Variants in SPOCK3 observed in about 807,000 individuals in gnomAD.
SPOCK3 encodes the protein testican-3.
Under a neutral mutation model 56.6 loss-of-function variants are expected in SPOCK3, and 30 were observed. That is an observed-to-expected ratio of 0.53 (90% CI 0.40 to 0.72). The LOEUF (loss-of-function observed/expected upper bound fraction) is 0.72, where lower values mean the gene tolerates loss of function less well. Among genes scored for constraint, SPOCK3 ranks in the 30% least tolerant of loss-of-function variants. SPOCK3 has a pLI of 0.00. For missense variants in SPOCK3, 527 were observed against 530.0 expected (o/e 0.99, Z 0.06); for synonymous variants, 196 against 183.3 (o/e 1.07, Z -0.56).
Position 166,734,953 on chromosome 4 carries a change from C to A in SPOCK3, c.1270G>T (p.Asp424Tyr), listed in dbSNP as rs1734066615. Residue 424 changes from aspartate (D) to tyrosine (Y), a missense_variant, in exon 11 of 11, where the codon GAT becomes TAT. By Grantham distance (160) the Asp-to-Tyr change is radical. Coordinates refer to ENST00000357545, the MANE Select transcript of SPOCK3 (RefSeq NM_001040159.2). ...DDDEDEGDDD[D>Y]GGDDHDVYI is the part of the protein sequence containing the mutation. ...TATACATCATGGTCATCACCACCAT[C>A]ATCATCATCCCCTTCATCTTCATCA... is the stretch of plus-strand genomic sequence containing the variant. 3.3e-6 allele frequency: 5 copies of A among 1,537,384 alleles called. No homozygotes were observed. The highest frequency in any genetic ancestry group is 2.7e-6 in the Non-Finnish European group (3 of 1,112,094).
intron 1 of SPOCK3, 107 bp downstream of exon 1, chr4:167,234,343 C>T: frequency 1.5e-6 from 1 of 653,550 alleles, no homozygotes; most frequent in Non-Finnish European, 2.6e-6. Flanking sequence ...CCCCAAAAGC[C>T]GGGCACTCAC....
chr4:167,105,478 A>C (rs1021029125), intron 2 of SPOCK3, among the ~76,000 whole-genome samples: 6 of 150,648 alleles, frequency 4.0e-5, no homozygotes, highest in Non-Finnish European at 7.4e-5. Flanking sequence ...AAAAAAAAAA[A>C]AACGAATCAT....
chr4:166,997,741 G>A (rs1228256447), intron 4 of SPOCK3, among the ~76,000 whole-genome samples: 2 of 152,164 alleles, frequency 1.3e-5, no homozygotes, highest in Admixed American at 1.3e-4. Context: ...AAGCAATGGA[G>A]AAATGAGTGT....
intron 5 of SPOCK3, among the ~76,000 whole-genome samples, chr4:166,891,073 A>G (rs1006807768): frequency 7.3e-5 from 11 of 150,974 alleles, no homozygotes; most frequent in African/African-American, 2.7e-4. Context: ...TAGGATTGCA[A>G]CCCCTTCTTT....
At chr4:166,944,078 C>G (rs570434221) in intron 4 of SPOCK3, among the ~76,000 whole-genome samples, 2 of 151,956 alleles carry the variant, frequency 1.3e-5, no homozygotes, top group African/African-American at 2.4e-5. Flanking sequence ...ACCCGGGAGG[C>G]GAAGGTTACA....
intron 2 of SPOCK3, among the ~76,000 whole-genome samples, chr4:167,066,146 T>C (rs1756109965): frequency 6.6e-6 from 1 of 151,974 alleles, no homozygotes; most frequent in Non-Finnish European, 1.5e-5. Context: ...GTGGTTTTAA[T>C]GTTGCATTTT....
Position 167,131,822 on chromosome 4 carries a change from AT to A in SPOCK3, c.190-69286del, listed in dbSNP as rs369848269. ...GAATTTTTTTAACGCTGCAAGAGAA[AT>A]TATGAGAAACAGAACAAACCAACCC... On this transcript the variant is annotated intron_variant, in intron 2 of 10. Transcript: ENST00000357545. Among the ~76,000 whole-genome samples, 274 of 152,348 alleles carry A rather than the reference AT, an allele frequency of 1.8e-3. 12 individuals are homozygous for A. In the South Asian group the frequency reaches 0.054, roughly 30 times the overall value.
intron 6 of SPOCK3, among the ~76,000 whole-genome samples, chr4:166,858,166 A>AT (rs1730881343): frequency 6.6e-6 from 1 of 152,164 alleles, no homozygotes; most frequent in East Asian, 1.9e-4. Context: ...CTCACTGACC[A>AT]TTTCAGACCC....
intron 6 of SPOCK3, among the ~76,000 whole-genome samples, chr4:166,797,245 T>G (rs1456871087): frequency 2.0e-5 from 3 of 148,990 alleles, no homozygotes; most frequent in Non-Finnish European, 3.0e-5. Flanking sequence ...TTTTTTTTTT[T>G]TTTTTTTTTG....
intron 7 of SPOCK3, among the ~76,000 whole-genome samples, chr4:166,778,958 C>T (rs137994451): frequency 8.6e-5 from 13 of 151,926 alleles, no homozygotes; most frequent in East Asian, 7.8e-4. Flanking sequence ...TGAGGAAAGC[C>T]GAAGAAATCC....
At chr4:166,796,167 G>T (rs543272491) in intron 6 of SPOCK3, among the ~76,000 whole-genome samples, 1 of 152,208 alleles carries the variant, frequency 6.6e-6, no homozygotes, top group African/African-American at 2.4e-5. Context: ...AATTTCTGTT[G>T]TTTATAAGCC....
chr4:167,043,956 T>C (rs1753477927), intron 3 of SPOCK3, among the ~76,000 whole-genome samples: 1 of 152,024 alleles, frequency 6.6e-6, no homozygotes, highest in South Asian at 2.1e-4. Context: ...GGTGGCCTTT[T>C]AGGATGAGTT....
At chr4:167,028,363 T>G (rs1306683126) in intron 3 of SPOCK3, among the ~76,000 whole-genome samples, 1 of 149,910 alleles carries the variant, frequency 6.7e-6, no homozygotes, top group Non-Finnish European at 1.5e-5. Flanking sequence ...TGTGACAGAG[T>G]GAAACCGGTA....
At chr4:167,065,037 C>CAAAAAAAAGAAAAAAAAA (rs1755978308) in intron 2 of SPOCK3, among the ~76,000 whole-genome samples, 1 of 64,050 alleles carries the variant, frequency 1.6e-5, no homozygotes, top group Non-Finnish European at 2.7e-5. Context: ...ATGCCCTCTC[C>CAAAAAAAAGAAAAAAAAA]AAAAAAAAAA....
intron 3 of SPOCK3, among the ~76,000 whole-genome samples, chr4:167,023,316 G>T (rs1751383398): frequency 6.6e-6 from 1 of 151,876 alleles, no homozygotes; most frequent in African/African-American, 2.4e-5. Context: ...TACTGTGTCT[G>T]GTAGCCAGAG....
At chr4:166,805,545 C>T (rs1016633007) in intron 6 of SPOCK3, among the ~76,000 whole-genome samples, 3 of 152,014 alleles carry the variant, frequency 2.0e-5, no homozygotes, top group Non-Finnish European at 4.4e-5. Context: ...TGGCAAAAGA[C>T]AGACAGTAGA....
chr4:166,765,021 A>G (rs1225436452), intron 7 of SPOCK3, among the ~76,000 whole-genome samples: 3 of 151,918 alleles, frequency 2.0e-5, no homozygotes, highest in Non-Finnish European at 4.4e-5. Flanking sequence ...TCCTTTACCC[A>G]CTTTTCGATG....
chr4:166,822,299 C>T lies in SPOCK3; in HGVS notation c.590-30010G>A, dbSNP rs574313653. Among the ~76,000 whole-genome samples the T allele has an allele frequency of 5.3e-5, 8 of 152,162 alleles. No individual in the cohort carries two copies. The East Asian group carries it at 1.6e-3, about 30-fold the overall frequency. ...AACTCAAACAAATTGCTTAATCTCA[C>T]TGTCTCTTAATTTTCTCTCTGAAAA... is the stretch of plus-strand genomic sequence containing the variant. On this transcript the variant is annotated intron_variant, in intron 6 of 10. Coordinates refer to ENST00000357545, the MANE Select transcript of SPOCK3 (RefSeq NM_001040159.2).
At chr4:166,787,264 A>G (rs1298506233) in intron 7 of SPOCK3, among the ~76,000 whole-genome samples, 1 of 152,222 alleles carries the variant, frequency 6.6e-6, no homozygotes, top group Non-Finnish European at 1.5e-5. Flanking sequence ...CAAAGGTAAT[A>G]TTGTACACAT....
Sources: gnomAD v4.1 joint callset for allele counts (sites outside exome capture counted in the v4.1 genomes callset) on GRCh38, gnomAD v4.1.1 for gene constraint, MANE v1.5 for transcripts, NCBI Gene and HGNC (gene_info 2026-07-23, HGNC 2026-07-21) for gene names.